Variants in KCNIP4 observed in about 807,000 individuals in gnomAD.
The protein encoded by KCNIP4 is potassium voltage-gated channel interacting protein 4.
KCNIP4 carries 12 observed loss-of-function variants against 34.0 expected under a neutral mutation model. The observed-to-expected ratio is 0.35, with a 90% CI of 0.23 to 0.57. The LOEUF (loss-of-function observed/expected upper bound fraction) is 0.57, where lower values mean the gene tolerates loss of function less well. KCNIP4 is among the 20% of genes least tolerant of loss of function. KCNIP4 has a pLI of 0.83. For synonymous variants in KCNIP4, 124 were observed against 102.2 expected (o/e 1.21, Z -1.29); for missense variants, 238 against 311.7 (o/e 0.76, Z 1.78).
chr4:21,536,506 C>T (rs1395561886), intron 1 of KCNIP4, among the ~76,000 whole-genome samples: 3 of 152,080 alleles, frequency 2.0e-5, no homozygotes, highest in South Asian at 2.1e-4. Context: ...CGTCAGGGCA[C>T]GGTGGCTCAA....
At chr4:21,039,284 C>G (rs780895050) in intron 1 of KCNIP4, among the ~76,000 whole-genome samples, 8 of 151,582 alleles carry the variant, frequency 5.3e-5, no homozygotes, top group Admixed American at 2.0e-4. Context: ...ATTGCTTGAA[C>G]CAGGGAACAA....
intron 1 of KCNIP4, among the ~76,000 whole-genome samples, chr4:21,760,598 C>A (rs1717983726): frequency 6.6e-6 from 1 of 152,032 alleles, no homozygotes; most frequent in Admixed American, 6.6e-5. Context: ...GACTTCTAGG[C>A]CTTTTCTGAA....
At chr4:21,583,834 T>C (rs1023670338) in intron 1 of KCNIP4, among the ~76,000 whole-genome samples, 5 of 152,038 alleles carry the variant, frequency 3.3e-5, no homozygotes, top group Non-Finnish European at 7.4e-5. Flanking sequence ...TTCTTACACA[T>C]AGTGATAGTC....
Position 21,519,204 on chromosome 4 carries a change from T to TA in KCNIP4, c.61+429366dup, listed in dbSNP as rs533390763. 1.1e-3 allele frequency among the ~76,000 whole-genome samples: 165 copies of TA among 152,026 alleles called. 2 individuals carry two copies. The highest frequency in any genetic ancestry group is 3.8e-3 in the African/African-American group (156 of 41,464). On this transcript the variant is annotated intron_variant, in intron 1 of 8. Transcript: ENST00000382152. ...CTCTCGTGAATGCGATTAATGCCCT[T>TA]ATAAAAGAGGTCCCAGGGAACTTTG...
chr4:20,953,215 A>C (rs1732959691), intron 1 of KCNIP4, among the ~76,000 whole-genome samples: 1 of 152,106 alleles, frequency 6.6e-6, no homozygotes, highest in African/African-American at 2.4e-5. Context: ...TTCCTCCTCT[A>C]TTATCCACTC....
At chr4:21,490,582 T>A (rs1376889249) in intron 1 of KCNIP4, among the ~76,000 whole-genome samples, 1 of 152,136 alleles carries the variant, frequency 6.6e-6, no homozygotes. Context: ...ATTTAGGAAA[T>A]AAGATTTCTA....
intron 1 of KCNIP4, among the ~76,000 whole-genome samples, chr4:21,834,666 G>C (rs77468585): frequency 0.24 from 35,851 of 151,114 alleles, 5,736 homozygotes; most frequent in East Asian, 0.64. Context: ...TCCCTGTCTT[G>C]TGCCAGTTTT....
At chr4:21,514,011 G>A (rs1168009394) in intron 1 of KCNIP4, among the ~76,000 whole-genome samples, 7 of 152,074 alleles carry the variant, frequency 4.6e-5, no homozygotes, top group Admixed American at 3.9e-4. Context: ...AATAGGTGTA[G>A]GTCCTTTCAA....
intron 1 of KCNIP4, among the ~76,000 whole-genome samples, chr4:21,098,490 T>C (rs1313345047): frequency 1.4e-4 from 22 of 152,204 alleles, no homozygotes; most frequent in Admixed American, 1.4e-3. Flanking sequence ...TGAGAAATCC[T>C]AGTGTCCCTA....
chr4:21,001,778 C>A (rs1028366180), intron 1 of KCNIP4, among the ~76,000 whole-genome samples: 2 of 152,150 alleles, frequency 1.3e-5, no homozygotes, highest in Non-Finnish European at 2.9e-5. Context: ...GTTCAAAGTG[C>A]TTTCGTTTTT....
chr4:20,734,809 G>A, intron 5 of KCNIP4, 74 bp from the exon 6 acceptor site: 1 of 800,196 alleles, frequency 1.2e-6, no homozygotes, highest in Non-Finnish European at 2.0e-6. Flanking sequence ...AATGATGTAA[G>A]TAAGGGCTAC....
intron 1 of KCNIP4, among the ~76,000 whole-genome samples, chr4:20,978,425 T>C (rs1224082969): frequency 6.6e-6 from 1 of 152,188 alleles, no homozygotes; most frequent in East Asian, 1.9e-4. Flanking sequence ...GTAACTTCTA[T>C]TTACCAAGCA....
chr4:21,025,755 C>T (rs1039951697), intron 1 of KCNIP4, among the ~76,000 whole-genome samples: 9 of 151,802 alleles, frequency 5.9e-5, no homozygotes, highest in Admixed American at 2.6e-4. Context: ...GGGGTTTCAC[C>T]GTGTTAGCCA....
At chr4:21,599,053 T>G (rs1003171982) in intron 1 of KCNIP4, among the ~76,000 whole-genome samples, 9 of 152,184 alleles carry the variant, frequency 5.9e-5, no homozygotes, top group Middle Eastern at 3.4e-3. Flanking sequence ...TGTTTTGCTG[T>G]CAACATTCGT....
intron 1 of KCNIP4, among the ~76,000 whole-genome samples, chr4:21,783,767 G>A (rs1024243903): frequency 7.2e-5 from 11 of 152,088 alleles, no homozygotes. Flanking sequence ...CATATCGGAG[G>A]AGTGGGTAAA....
At chr4:21,153,753 TC>T (rs1230663142) in intron 1 of KCNIP4, among the ~76,000 whole-genome samples, 2 of 152,028 alleles carry the variant, frequency 1.3e-5, no homozygotes, top group African/African-American at 4.8e-5. Flanking sequence ...TTTTACCACC[TC>T]TTGGGAGCTA....
At chr4:21,140,039 A>G (rs184829280) in intron 1 of KCNIP4, among the ~76,000 whole-genome samples, 1 of 152,288 alleles carries the variant, frequency 6.6e-6, no homozygotes, top group African/African-American at 2.4e-5. Flanking sequence ...CCCAATTACC[A>G]GAAATTTAAC....
intron 8 of KCNIP4, 190 bp downstream of exon 8, chr4:20,731,816 G>A: frequency 2.0e-6 from 2 of 985,296 alleles, no homozygotes; most frequent in African/African-American, 1.7e-5. Context: ...TGACTCAGTG[G>A]GCACTCTAAA....
intron 1 of KCNIP4, among the ~76,000 whole-genome samples, chr4:21,176,680 C>T (rs1754434943): frequency 1.3e-5 from 2 of 152,150 alleles, no homozygotes; most frequent in South Asian, 4.1e-4. Context: ...TGCCACCACG[C>T]CCAGCTAATT....
Sources: gnomAD v4.1 joint callset for allele counts (sites outside exome capture counted in the v4.1 genomes callset) on GRCh38, gnomAD v4.1.1 for gene constraint, MANE v1.5 for transcripts, NCBI Gene and HGNC (gene_info 2026-07-23, HGNC 2026-07-21) for gene names.